Variants in IPCEF1 observed in about 807,000 individuals in gnomAD.
IPCEF1 encodes interactor protein for cytohesin exchange factors 1.
In IPCEF1, 31 loss-of-function variants were observed where a neutral mutation model predicts 50.9. That is an observed-to-expected ratio of 0.61 (90% CI 0.46 to 0.82). The LOEUF (loss-of-function observed/expected upper bound fraction) is 0.82. Among genes scored for constraint, IPCEF1 ranks in the 40% least tolerant of loss-of-function variants. IPCEF1 has a pLI of 0.00. For missense variants in IPCEF1, 458 were observed against 514.0 expected (o/e 0.89, Z 1.05); for synonymous variants, 181 against 192.0 (o/e 0.94, Z 0.47).
chr6:154,271,196 A>AC (rs1781894042), intron 2 of IPCEF1, among the ~76,000 whole-genome samples: 1 of 64,888 alleles, frequency 1.5e-5, no homozygotes, highest in Non-Finnish European at 4.3e-5. Context: ...CCATCTCTAC[A>AC]AAAAAAAAAT....
At chr6:154,209,643 C>CA (rs34423257) in intron 9 of IPCEF1, among the ~76,000 whole-genome samples, 1,963 of 107,814 alleles carry the variant, frequency 0.018, 45 homozygotes, top group East Asian at 0.14. Context: ...GACTGTGTCT[C>CA]AAAAAAAAAA....
At chr6:154,247,745 A>G (rs1422994896) in intron 3 of IPCEF1, 6 of 382,930 alleles carry the variant, frequency 1.6e-5, no homozygotes, top group African/African-American at 2.1e-5. Context: ...TCCCACCCAC[A>G]AGCCGCTCTC....
Position 154,345,566 on chromosome 6 carries a change from C to T in IPCEF1, c.-62+11106G>A, listed in dbSNP as rs148021590. On this transcript the variant is annotated intron_variant, in intron 1 of 11. Transcript: ENST00000367220. ...CCACCTGCTATGACACCTCCCAAAC[C>T]ATGCCTCAACCACTTTTTGTTCTTT... Among the ~76,000 whole-genome samples the T allele has an allele frequency of 2.8e-3, 433 of 152,322 alleles. 1 individual carries two copies. The highest frequency in any genetic ancestry group is 0.01 in the African/African-American group (421 of 41,574).
At position 154,274,608 on chromosome 6, in the gene IPCEF1, G is replaced by T. The variant is rs1782008081; in HGVS notation, c.-17-8644C>A. 2.0e-5 allele frequency among the ~76,000 whole-genome samples: 3 copies of T among 152,188 alleles called. No homozygotes were observed. In the South Asian group the frequency reaches 6.2e-4, roughly 31 times the overall value. On this transcript the variant is annotated intron_variant, in intron 2 of 11. Transcript: ENST00000367220. ...GCTATTGGCCATGCCCCTCTTGGAG[G>T]TACAAAGCTCCCCTGAGTTGCTGAA...
intron 2 of IPCEF1, among the ~76,000 whole-genome samples, chr6:154,270,111 T>A (rs1781865570): frequency 6.6e-6 from 1 of 152,204 alleles, no homozygotes; most frequent in Non-Finnish European, 1.5e-5. Flanking sequence ...CTATTTGATA[T>A]ATCATGAGAA....
chr6:154,237,375 C>CG (rs1344538721), intron 5 of IPCEF1, among the ~76,000 whole-genome samples: 2 of 152,140 alleles, frequency 1.3e-5, no homozygotes, highest in East Asian at 3.8e-4. Flanking sequence ...ATCCTTTACA[C>CG]GGGGTCGGTA....
At chr6:154,252,652 G>T (rs1047860142) in intron 3 of IPCEF1, among the ~76,000 whole-genome samples, 2 of 152,118 alleles carry the variant, frequency 1.3e-5, no homozygotes, top group African/African-American at 4.8e-5. Flanking sequence ...TCTAGCTGGG[G>T]TGACAGAGCA....
At chr6:154,207,264 A>G (rs1483878239) in intron 9 of IPCEF1, among the ~76,000 whole-genome samples, 1 of 152,222 alleles carries the variant, frequency 6.6e-6, no homozygotes, top group Non-Finnish European at 1.5e-5. Flanking sequence ...CAAAAATATA[A>G]ACACGAATTT....
chr6:154,302,690 G>A (rs569379159), intron 1 of IPCEF1, among the ~76,000 whole-genome samples: 1 of 152,146 alleles, frequency 6.6e-6, no homozygotes, highest in East Asian at 1.9e-4. Context: ...GCCCAGGCTG[G>A]TCTCGAACTC....
At chr6:154,349,414 G>A (rs777122437) in intron 1 of IPCEF1, among the ~76,000 whole-genome samples, 3 of 150,460 alleles carry the variant, frequency 2.0e-5, no homozygotes, top group Admixed American at 6.6e-5. Flanking sequence ...TAGTACAGAC[G>A]AGGTCTTGCT....
rs374575005 is a variant in IPCEF1, at chr6:154,155,658, G to T, written c.*4170C>A. 1.3e-5 allele frequency: 2 copies of T among 152,004 alleles called. No homozygotes were observed. The highest frequency in any genetic ancestry group is 4.8e-5 in the African/African-American group (2 of 41,356). 9.4% of individuals were successfully genotyped at this position (152,004 alleles called of 1,614,324 possible). A position where few individuals can be genotyped will look rare whatever the true frequency, so the allele number is the denominator to read the frequency against. ...CTAAAAATATAAAAATTAGCCGGGC[G>T]TAGTCCCAGCTACTCGGGAGGCTGA... On this transcript the variant is annotated 3_prime_UTR_variant, in exon 12 of 12. Coordinates refer to ENST00000367220, the MANE Select transcript of IPCEF1 (RefSeq NM_001130700.2).
At chr6:154,175,184 G>A (rs1800209011) in intron 10 of IPCEF1, among the ~76,000 whole-genome samples, 1 of 152,164 alleles carries the variant, frequency 6.6e-6, no homozygotes, top group South Asian at 2.1e-4. Context: ...TGTTTAGAGG[G>A]AAATTTACAG....
At chr6:154,179,453 G>A (rs374181688) in intron 10 of IPCEF1, among the ~76,000 whole-genome samples, 5 of 152,214 alleles carry the variant, frequency 3.3e-5, no homozygotes, top group Admixed American at 2.6e-4. Context: ...AGAGAAGACC[G>A]CTTGTCTCTC....
intron 3 of IPCEF1, among the ~76,000 whole-genome samples, chr6:154,250,815 C>A (rs1781319471): frequency 6.6e-6 from 1 of 152,228 alleles, no homozygotes; most frequent in African/African-American, 2.4e-5. Context: ...CAGTGATATG[C>A]TGGTAAAATG....
At chr6:154,356,128 A>C (rs1211518459) in intron 1 of IPCEF1, among the ~76,000 whole-genome samples, 3 of 152,182 alleles carry the variant, frequency 2.0e-5, no homozygotes, top group Non-Finnish European at 4.4e-5. Context: ...CATATACCCC[A>C]GCAAAGAAAA....
At chr6:154,283,210 T>C (rs1201668879) in intron 2 of IPCEF1, among the ~76,000 whole-genome samples, 1 of 147,198 alleles carries the variant, frequency 6.8e-6, no homozygotes, top group Non-Finnish European at 1.5e-5. Flanking sequence ...GAGAATCGCT[T>C]GAACCTGGGA....
intron 1 of IPCEF1, among the ~76,000 whole-genome samples, chr6:154,308,779 G>A (rs1198844736): frequency 6.6e-6 from 1 of 152,164 alleles, no homozygotes; most frequent in Non-Finnish European, 1.5e-5. Flanking sequence ...CACAAAAGGA[G>A]TTAACATGCA....
Position 154,198,260 on chromosome 6 carries a change from A to C in IPCEF1, c.910+1408T>G, listed in dbSNP as rs1275954286. 1.5e-4 allele frequency among the ~76,000 whole-genome samples: 23 copies of C among 152,164 alleles called. 1 individual carries two copies. On this transcript the variant is annotated intron_variant, in intron 10 of 11. Coordinates refer to ENST00000367220, the MANE Select transcript of IPCEF1 (RefSeq NM_001130700.2). ...CAATTCTGTGCTTCCAAGGAGATACAATTAAGCTCAATACTTTCACCAAAC... is the reference window on the plus strand; with the variant it reads ...CAATTCTGTGCTTCCAAGGAGATACCATTAAGCTCAATACTTTCACCAAAC...
chr6:154,286,631 A>G (rs1057452516), intron 2 of IPCEF1, among the ~76,000 whole-genome samples: 1 of 152,192 alleles, frequency 6.6e-6, no homozygotes, highest in African/African-American at 2.4e-5. Context: ...AAGACCTGCA[A>G]TGAGGCAGGG....
Sources: allele counts gnomAD v4.1 joint callset (sites outside exome capture counted in the v4.1 genomes callset), GRCh38; gene constraint gnomAD v4.1.1; transcripts MANE v1.5; gene names NCBI Gene and HGNC (gene_info 2026-07-23, HGNC 2026-07-21).